SHISAL1: variants seen among roughly 807,000 people sequenced by gnomAD.
The protein encoded by SHISAL1 is shisa like 1.
In SHISAL1, 9 loss-of-function variants were observed where a neutral mutation model predicts 22.6. That is an observed-to-expected ratio of 0.40 (90% CI 0.24 to 0.70). SHISAL1 has a LOEUF of 0.70. Ranked by LOEUF, SHISAL1 falls within the 30% of genes least tolerant of loss-of-function variation. SHISAL1 has a pLI of 0.39. For missense variants in SHISAL1, 246 were observed against 270.6 expected (o/e 0.91, Z 0.64); for synonymous variants, 119 against 115.4 (o/e 1.03, Z -0.20).
At chr22:44,262,309 G>A (rs1569209719) in intron 4 of SHISAL1, among the ~76,000 whole-genome samples, 2 of 151,928 alleles carry the variant, frequency 1.3e-5, no homozygotes, top group Non-Finnish European at 2.9e-5. Flanking sequence ...TGGCAGGGGT[G>A]AGTCTGCAGA....
chr22:44,264,140 C>T (rs1389842991), intron 4 of SHISAL1, among the ~76,000 whole-genome samples: 1 of 152,204 alleles, frequency 6.6e-6, no homozygotes, highest in African/African-American at 2.4e-5. Context: ...TCATCTTTTG[C>T]TTCCTGGCCC....
At chr22:44,272,614 G>C (rs991134943) in intron 4 of SHISAL1, among the ~76,000 whole-genome samples, 3 of 152,198 alleles carry the variant, frequency 2.0e-5, no homozygotes, top group African/African-American at 7.2e-5. Context: ...TCCTTGGGGG[G>C]GACTAAATAC....
In SHISAL1 at chr22:44,285,530, T is replaced by C. The variant is rs2055307611; in HGVS notation, c.497A>G (p.Gln166Arg). Residue 166 changes from glutamine to arginine, a missense_variant, in exon 4 of 5, where the codon CAG (glutamine) becomes CGG (arginine). Physicochemically the swap from Gln to Arg is conservative, Grantham distance 43. Coordinates refer to ENST00000381176, the MANE Select transcript of SHISAL1 (RefSeq NM_001099294.2). ...TTGTGGCAGCGGGCCTGGGGGAGGCTGCGGCTGTGGGGCCCGCTGACCCGG... is the reference window on the plus strand; with the variant it reads ...TTGTGGCAGCGGGCCTGGGGGAGGCCGCGGCTGTGGGGCCCGCTGACCCGG... ...PRPGQRAPQPQPPPGPLPQAP... is the reference protein window; with the variant it reads ...PRPGQRAPQPRPPPGPLPQAP... 6.2e-7 allele frequency: 1 copy of C among 1,613,216 alleles called. No individual in the cohort carries two copies.
intron 4 of SHISAL1, among the ~76,000 whole-genome samples, chr22:44,257,896 C>T (rs2055095569): frequency 6.6e-6 from 1 of 152,200 alleles, no homozygotes; most frequent in Admixed American, 6.5e-5. Context: ...AATCCCAGCA[C>T]TTTGGGAGGC....
At chr22:44,308,068 C>T (rs1601807082) in intron 1 of SHISAL1, among the ~76,000 whole-genome samples, 1 of 152,170 alleles carries the variant, frequency 6.6e-6, no homozygotes, top group Admixed American at 6.5e-5. Context: ...GCTTGGGGGT[C>T]GAGCCCTCTG....
chr22:44,257,753 C>A (rs1367252295), intron 4 of SHISAL1, among the ~76,000 whole-genome samples: 1 of 152,236 alleles, frequency 6.6e-6, no homozygotes, highest in Non-Finnish European at 1.5e-5. Flanking sequence ...CAACCTCTCT[C>A]TGCATGCACT....
chr22:44,327,354 A>G, the SHISAL1 span, among the ~76,000 whole-genome samples: 5 of 152,070 alleles, frequency 3.3e-5, no homozygotes, highest in Admixed American at 2.0e-4. Flanking sequence ...GAGGGGCTGA[A>G]CGAGAAAACC....
rs1376591171 is a variant in SHISAL1, at chr22:44,293,297, A to AGG, written c.281+3374_281+3375insCC. ...ACAGCTATGGAGAGGGAAGGCGGCG[A>AGG]GAAGATCGCTGGAGAATGACAAGGG... On this transcript the variant is annotated intron_variant, in intron 3 of 4. Transcript: ENST00000381176. Among the ~76,000 whole-genome samples, 44 of 152,164 alleles carry AGG rather than the reference A, an allele frequency of 2.9e-4. 1 individual carries two copies. The highest frequency in any genetic ancestry group is 4.7e-4 in the Non-Finnish European group (32 of 68,034).
At chr22:44,273,960 G>A (rs912961597) in intron 4 of SHISAL1, among the ~76,000 whole-genome samples, 3 of 152,162 alleles carry the variant, frequency 2.0e-5, no homozygotes, top group African/African-American at 7.2e-5. Context: ...GCTCACGCCT[G>A]TAGTTCTAGC....
intron 4 of SHISAL1, among the ~76,000 whole-genome samples, chr22:44,263,716 C>G (rs1212983752): frequency 6.6e-6 from 1 of 152,154 alleles, no homozygotes; most frequent in East Asian, 1.9e-4. Context: ...GAAGGGGCCA[C>G]AAGCCGAGGA....
At chr22:44,314,588 C>T (rs1370486304), upstream of SHISAL1, among the ~76,000 whole-genome samples, 1 of 152,186 alleles carries the variant, frequency 6.6e-6, no homozygotes, top group Non-Finnish European at 1.5e-5. Context: ...GCCTGGCAGA[C>T]CGGGGTGAGG....
intron 4 of SHISAL1, among the ~76,000 whole-genome samples, chr22:44,277,449 C>CAAACAAAACAAAACA (rs59568852): frequency 0.26 from 38,874 of 150,488 alleles, 6,187 homozygotes; most frequent in Non-Finnish European, 0.35. Context: ...ACTCTGCCTC[C>CAAACAAAACAAAACA]AAACAAAACA....
rs567366760 is a variant in SHISAL1 at position 44,263,339 on chromosome 22, G to A, written c.*-13654C>T. On this transcript the variant is annotated intron_variant, in intron 4 of 4. Coordinates refer to ENST00000381176, the MANE Select transcript of SHISAL1 (RefSeq NM_001099294.2). ...GCCCACCTTGGCCTCCCAAAGTGCT[G>A]GGATTACAGGCGTGAGCCACTGCAC... Among the ~76,000 whole-genome samples the A allele has an allele frequency of 7.0e-4, 106 of 152,146 alleles. No individual in the cohort carries two copies. In the South Asian group the frequency reaches 0.017, roughly 24 times the overall value.
chr22:44,289,466 A>ATGTGTGTGTG (rs35632126), intron 3 of SHISAL1, among the ~76,000 whole-genome samples: 2 of 120,922 alleles, frequency 1.7e-5, no homozygotes, highest in African/African-American at 3.6e-5. Flanking sequence ...GTCATTGTAA[A>ATGTGTGTGTG]TGTGTGTGTG....
At chr22:44,311,381 C>T (rs2055517278) in intron 1 of SHISAL1, among the ~76,000 whole-genome samples, 1 of 152,222 alleles carries the variant, frequency 6.6e-6, no homozygotes, top group Non-Finnish European at 1.5e-5. Context: ...CAGATCCCTC[C>T]CTCAGTGGAT....
At chr22:44,321,594 G>C in the SHISAL1 span, among the ~76,000 whole-genome samples, 1 of 152,188 alleles carries the variant, frequency 6.6e-6, no homozygotes, top group Non-Finnish European at 1.5e-5. Context: ...TGCAGACTGT[G>C]AGCCTGTGAG....
At chr22:44,251,680 G>GA (rs1211386504) in intron 4 of SHISAL1, among the ~76,000 whole-genome samples, 1 of 152,186 alleles carries the variant, frequency 6.6e-6, no homozygotes, top group Admixed American at 6.5e-5. Flanking sequence ...GCTTGTGCAG[G>GA]AAAATTCCCA....
chr22:44,316,513 T>C (rs1170595926), upstream of SHISAL1, among the ~76,000 whole-genome samples: 2 of 152,264 alleles, frequency 1.3e-5, no homozygotes, highest in African/African-American at 4.8e-5. Context: ...CACCCAGTCT[T>C]TGTCCACTCT....
rs200754124 is a variant in SHISAL1, at chr22:44,300,907, G to A, written c.39C>T (p.Ala13=). Residue 13 remains alanine (A), a synonymous_variant, in exon 2 of 5, where the codon GCC becomes GCT. Transcript: ENST00000381176. ...SCGQQSLNVL[A]VLFSLLFSAV... ...CAGAAAACAGCAATGAGAAGAGGACGGCGAGCACGTTCAAGGACTGCTGGC... is the reference window on the plus strand; with the variant it reads ...CAGAAAACAGCAATGAGAAGAGGACAGCGAGCACGTTCAAGGACTGCTGGC... 269 of 1,614,082 alleles carry A rather than the reference G, an allele frequency of 1.7e-4. No individual in the cohort carries two copies. In the East Asian group the frequency reaches 5.6e-3, roughly 34 times the overall value.
Sources: allele counts gnomAD v4.1 joint callset (sites outside exome capture counted in the v4.1 genomes callset), GRCh38; gene constraint gnomAD v4.1.1; transcripts MANE v1.5; gene names NCBI Gene and HGNC (gene_info 2026-07-23, HGNC 2026-07-21).